The following JAK2 variants were observed in gnomAD, a reference collection of about 807,000 sequenced individuals.
The protein encoded by JAK2 is tyrosine-protein kinase JAK2.
Under a neutral mutation model 139.3 loss-of-function variants are expected in JAK2, and 86 were observed. The ratio of observed to expected loss-of-function variants is 0.62; its 90% CI spans 0.52 to 0.74. The LOEUF (loss-of-function observed/expected upper bound fraction) is 0.74. JAK2 is among the 30% of genes least tolerant of loss of function. The pLI is 0.00. For synonymous variants in JAK2, 490 were observed against 437.7 expected, an observed-to-expected ratio of 1.12 and a Z score of -1.49; for missense variants, 1,421 against 1,360.3, an observed-to-expected ratio of 1.04 and a Z score of -0.70.
At chr9:4,984,544 C>G (rs1048110995), upstream of JAK2, 1 of 152,414 alleles carries the variant, frequency 6.6e-6, no homozygotes, top group Non-Finnish European at 1.5e-5. Flanking sequence ...GTCAGGCTCT[C>G]GAGGGCGCAT....
chr9:5,081,962 C>G, intron 19 of JAK2, 101 bp downstream of exon 19: 2 of 966,414 alleles, frequency 2.1e-6, no homozygotes, highest in East Asian at 2.4e-5. Flanking sequence ...TTAAGGAGTG[C>G]TTGTAGAAAA....
At chr9:5,082,967 G>A (rs138934267) in intron 19 of JAK2, among the ~76,000 whole-genome samples, 1 of 152,298 alleles carries the variant, frequency 6.6e-6, no homozygotes, top group African/African-American at 2.4e-5. Context: ...CATAGACACA[G>A]TAACACACTG....
intron 6 of JAK2, among the ~76,000 whole-genome samples, chr9:5,052,507 A>G (rs10974936): frequency 0.022 from 3,415 of 152,262 alleles, 143 homozygotes; most frequent in African/African-American, 0.079. Flanking sequence ...TTTACAAATC[A>G]TAAATCTCAC....
At chr9:5,008,147 T>C (rs1011687228) in intron 2 of JAK2, among the ~76,000 whole-genome samples, 1 of 152,252 alleles carries the variant, frequency 6.6e-6, no homozygotes, top group South Asian at 2.1e-4. Flanking sequence ...TCAGTACTTT[T>C]AAGAATTATA....
chr9:5,078,026 C>G (rs1439020659), intron 15 of JAK2, among the ~76,000 whole-genome samples: 2 of 152,120 alleles, frequency 1.3e-5, no homozygotes, highest in Non-Finnish European at 2.9e-5. Flanking sequence ...TGTCAGCTCC[C>G]ATCCAGAAAC....
chr9:5,029,984 A>G (rs951340485), intron 4 of JAK2, 78 bp downstream of exon 4: 6 of 1,322,102 alleles, frequency 4.5e-6, no homozygotes, highest in Admixed American at 4.5e-5. Context: ...TTTAATTGCA[A>G]GGTACTTAAT....
chr9:5,060,490 C>A (rs769483418), intron 8 of JAK2, among the ~76,000 whole-genome samples: 4 of 152,200 alleles, frequency 2.6e-5, no homozygotes, highest in Non-Finnish European at 5.9e-5. Flanking sequence ...ACATTCACAG[C>A]ATCTTCACCC....
intron 16 of JAK2, among the ~76,000 whole-genome samples, chr9:5,079,460 T>C (rs953191889): frequency 6.6e-6 from 1 of 151,854 alleles, no homozygotes; most frequent in Non-Finnish European, 1.5e-5. Context: ...TGGTGCAATT[T>C]AGCCTTCCAT....
At chr9:5,018,261 G>C (rs1471597694) in intron 2 of JAK2, among the ~76,000 whole-genome samples, 2 of 152,104 alleles carry the variant, frequency 1.3e-5, no homozygotes, top group Non-Finnish European at 2.9e-5. Flanking sequence ...GTGTGTGTTT[G>C]CTTTACCAGT....
At chr9:5,037,676 G>C (rs1272286582) in intron 4 of JAK2, among the ~76,000 whole-genome samples, 1 of 152,152 alleles carries the variant, frequency 6.6e-6, no homozygotes, top group Non-Finnish European at 1.5e-5. Flanking sequence ...ATGGACACAG[G>C]AATGGAACAT....
At chr9:4,987,344 T>G (rs1023600940) in intron 2 of JAK2, among the ~76,000 whole-genome samples, 6 of 152,190 alleles carry the variant, frequency 3.9e-5, no homozygotes, top group African/African-American at 1.4e-4. Context: ...ACCTGGCTAT[T>G]ACTGAAAGGT....
chr9:5,005,198 C>T (rs533731416), intron 2 of JAK2, among the ~76,000 whole-genome samples: 4 of 139,862 alleles, frequency 2.9e-5, no homozygotes, highest in Non-Finnish European at 4.5e-5. Context: ...AATCCTCCCA[C>T]CTTGGCCTCC....
chr9:5,088,791 T>C (rs1820324940), intron 19 of JAK2, among the ~76,000 whole-genome samples: 1 of 152,254 alleles, frequency 6.6e-6, no homozygotes, highest in African/African-American at 2.4e-5. Context: ...ATTGCTCTAA[T>C]GTCTCTTCCT....
At chr9:5,047,246 A>G (rs1329795247) in intron 5 of JAK2, among the ~76,000 whole-genome samples, 7 of 152,242 alleles carry the variant, frequency 4.6e-5, no homozygotes, top group Non-Finnish European at 1.5e-5. Context: ...GACCAGTGGC[A>G]TTACCAGAGT....
chr9:5,114,036 C>G, intron 22 of JAK2: 1 of 319,662 alleles, frequency 3.1e-6, no homozygotes, highest in South Asian at 3.1e-5. Flanking sequence ...CTCTCCCATA[C>G]TGGAGGATGA....
At chr9:5,098,242 G>A (rs1243301478) in intron 22 of JAK2, 1 of 152,120 alleles carries the variant, frequency 6.6e-6, no homozygotes, top group East Asian at 1.9e-4. Context: ...CTGGTTTCAA[G>A]CCAATCAAAA....
rs1254449695 is a variant in JAK2, at chr9:5,054,662, G to C, written c.714G>C (p.Gln238His). 1 of 1,613,224 alleles carries C rather than the reference G, an allele frequency of 6.2e-7. No homozygotes were observed. Among genetic ancestry groups the C allele is most frequent in the Non-Finnish European group, 8.5e-7 (1 of 1,179,332 alleles). Residue 238 changes from glutamine to histidine, a missense_variant, in exon 7 of 25, where the codon CAG becomes CAC. Physicochemically the swap from Gln to His is conservative, Grantham distance 24. Transcript: ENST00000381652. The surrounding 1 kb of genome is among the most constrained non-coding windows in gnomAD (Gnocchi z 4.9). ...GGTACAGATTTCGCAGATTTATTCAGCAATTCAGCCAATGCAAAGCCACTG... is the reference window on the plus strand; with the variant it reads ...GGTACAGATTTCGCAGATTTATTCACCAATTCAGCCAATGCAAAGCCACTG... Reference protein sequence around the residue: ...RIRYRFRRFIQQFSQCKATAR... With the variant: ...RIRYRFRRFIHQFSQCKATAR...
intron 19 of JAK2, among the ~76,000 whole-genome samples, chr9:5,087,623 T>TATCA (rs1460786151): frequency 1.3e-5 from 2 of 152,244 alleles, no homozygotes; most frequent in African/African-American, 2.4e-5. Flanking sequence ...GATTTTTGCC[T>TATCA]ATCAAAGTGA....
rs1000084644 is a variant in JAK2 at position 5,085,251 on chromosome 9, C to T, written c.2571+3390C>T. 4 of 677,452 alleles carry T rather than the reference C, an allele frequency of 5.9e-6. No individual in the cohort carries two copies. In the East Asian group the frequency reaches 1.3e-4, roughly 22 times the overall value. 42.0% of individuals were successfully genotyped at this position (677,452 alleles called of 1,614,324 possible). On this transcript the variant is annotated intron_variant, in intron 19 of 24. Coordinates refer to ENST00000381652, the MANE Select transcript of JAK2 (RefSeq NM_004972.4). ...CAAATAGGACAGGACCAGTGGCTAA[C>T]CTGAGATTCACATCAGCTGATGTTG...
Sources: allele counts gnomAD v4.1 joint callset (sites outside exome capture counted in the v4.1 genomes callset), GRCh38; gene constraint gnomAD v4.1.1; non-coding constraint Gnocchi (gnomAD v3.1); transcripts MANE v1.5; gene names NCBI Gene and HGNC (gene_info 2026-07-23, HGNC 2026-07-21).